Variants in GARIN2 observed in about 807,000 individuals in gnomAD.
GARIN2 encodes Golgi-associated RAB2 interactor protein 2.
At chr14:67,205,077 G>C in the GARIN2 span, 5 of 1,550,178 alleles carry the variant, frequency 3.2e-6, no homozygotes, top group Non-Finnish European at 2.6e-6. Context: ...TCAGGGCCAA[G>C]CAAGAGGAGA....
chr14:67,199,211 T>C, the GARIN2 span: 1 of 1,607,328 alleles, frequency 6.2e-7, no homozygotes. Context: ...ATAGAGTCAC[T>C]GGCCAGCACC....
At chr14:67,225,962 T>TGTGTGTGCGCGC in the GARIN2 span, among the ~76,000 whole-genome samples, 7 of 113,488 alleles carry the variant, frequency 6.2e-5, no homozygotes, top group African/African-American at 3.6e-4. Flanking sequence ...TGTGTGTGTG[T>TGTGTGTGCGCGC]GCGCGCGCGC....
chr14:67,203,325 C>T, the GARIN2 span: 1 of 1,517,330 alleles, frequency 6.6e-7, no homozygotes, highest in Non-Finnish European at 8.9e-7. Flanking sequence ...TTAAAGATCT[C>T]TCAGAAGATG....
At chr14:67,226,375 T>G in the GARIN2 span, among the ~76,000 whole-genome samples, 2 of 151,446 alleles carry the variant, frequency 1.3e-5, no homozygotes, top group Non-Finnish European at 2.9e-5. Context: ...TTGTTTTGTT[T>G]TTTTGAGACG....
At chr14:67,198,594 C>T in the GARIN2 span, among the ~76,000 whole-genome samples, 8 of 152,266 alleles carry the variant, frequency 5.3e-5, no homozygotes, top group African/African-American at 1.4e-4. Flanking sequence ...TACATGAAGC[C>T]GTTTTTGGCA....
chr14:67,223,980 GAAT>G, the GARIN2 span: 2 of 984,692 alleles, frequency 2.0e-6, no homozygotes, highest in East Asian at 1.1e-4. Flanking sequence ...GCGGAAATCA[GAAT>G]AATAACTGCT....
At chr14:67,208,982 C>G in the GARIN2 span, among the ~76,000 whole-genome samples, 1 of 150,472 alleles carries the variant, frequency 6.6e-6, no homozygotes, top group South Asian at 2.1e-4. Context: ...TATGATGTAC[C>G]ATAAAAAAAT....
At chr14:67,220,102 G>A in the GARIN2 span, among the ~76,000 whole-genome samples, 1 of 152,106 alleles carries the variant, frequency 6.6e-6, no homozygotes, top group Non-Finnish European at 1.5e-5. Flanking sequence ...CAAAACCATG[G>A]ATTTCAGTGA....
At chr14:67,199,037 A>G in the GARIN2 span, 96 of 730,614 alleles carry the variant, frequency 1.3e-4, no homozygotes, top group East Asian at 1.0e-3. Flanking sequence ...AAAGGCAAGA[A>G]GAGGATGGCA....
At chr14:67,208,084 C>T in the GARIN2 span, 1 of 1,417,766 alleles carries the variant, frequency 7.1e-7, no homozygotes, top group Non-Finnish European at 9.5e-7. Flanking sequence ...CTTACTACTC[C>T]TCACGGGTGC....
chr14:67,192,525 C>T, the GARIN2 span, among the ~76,000 whole-genome samples: 1 of 151,402 alleles, frequency 6.6e-6, no homozygotes, highest in Non-Finnish European at 1.5e-5. Context: ...ACTGTGCCCG[C>T]ACACCGAGAA....
the GARIN2 span, chr14:67,225,129 C>T: frequency 1.3e-6 from 2 of 1,580,646 alleles, no homozygotes; most frequent in Non-Finnish European, 8.6e-7. Flanking sequence ...TCTCTCCCCT[C>T]ATATCAAATC....
the GARIN2 span, chr14:67,201,892 T>C: frequency 5.1e-5 from 9 of 178,208 alleles, no homozygotes; most frequent in African/African-American, 2.2e-4. Flanking sequence ...TCCAGTCTCT[T>C]CTTCTACCAA....
chr14:67,224,183 T>C, the GARIN2 span, among the ~76,000 whole-genome samples: 1 of 152,164 alleles, frequency 6.6e-6, no homozygotes, highest in East Asian at 1.9e-4. Flanking sequence ...ATGCACTGTT[T>C]TTATGACAAC....
the GARIN2 span, chr14:67,199,494 C>T: frequency 1.2e-6 from 2 of 1,613,124 alleles, no homozygotes; most frequent in South Asian, 2.2e-5. Flanking sequence ...AAAGGTTATG[C>T]CTTTATTAAT....
At chr14:67,205,832 G>A in the GARIN2 span, among the ~76,000 whole-genome samples, 2 of 152,130 alleles carry the variant, frequency 1.3e-5, no homozygotes, top group African/African-American at 4.8e-5. Flanking sequence ...ATGGCAGGAT[G>A]GATTATAGGT....
At chr14:67,215,892 G>A in the GARIN2 span, among the ~76,000 whole-genome samples, 3 of 152,082 alleles carry the variant, frequency 2.0e-5, no homozygotes, top group Non-Finnish European at 4.4e-5. Context: ...AAAGTTAACT[G>A]AATCATTTCA....
At chr14:67,202,401 T>C in the GARIN2 span, among the ~76,000 whole-genome samples, 1 of 152,088 alleles carries the variant, frequency 6.6e-6, no homozygotes, top group Admixed American at 6.5e-5. Context: ...AGATCACCCA[T>C]GGCACTCCAG....
chr14:67,204,330 T>C, the GARIN2 span, among the ~76,000 whole-genome samples: 2 of 152,082 alleles, frequency 1.3e-5, no homozygotes, highest in Non-Finnish European at 2.9e-5. Context: ...TCCCAGCTAC[T>C]CAGGAGGATG....
Sources: allele counts gnomAD v4.1 joint callset (sites outside exome capture counted in the v4.1 genomes callset), GRCh38; gene constraint gnomAD v4.1.1; transcripts MANE v1.5; gene names NCBI Gene and HGNC (gene_info 2026-07-23, HGNC 2026-07-21).